PPP4R3A: variants seen among roughly 807,000 people sequenced by gnomAD.
The protein encoded by PPP4R3A is serine/threonine-protein phosphatase 4 regulatory subunit 3A.
A neutral mutation model predicts 91.7 loss-of-function variants in PPP4R3A; 15 were observed. The ratio of observed to expected loss-of-function variants is 0.16; its 90% CI spans 0.11 to 0.25. The LOEUF is 0.25. Among genes scored for constraint, PPP4R3A ranks in the 10% least tolerant of loss-of-function variants. PPP4R3A has a pLI of 1.00. For missense variants in PPP4R3A, 623 were observed against 998.4 expected (o/e 0.62, Z 5.07); for synonymous variants, 377 against 348.7 (o/e 1.08, Z -0.91).
intron 1 of PPP4R3A, among the ~76,000 whole-genome samples, chr14:91,494,533 T>C (rs1474480204): frequency 6.6e-6 from 1 of 152,156 alleles, no homozygotes; most frequent in Non-Finnish European, 1.5e-5. Flanking sequence ...TATGAGAAGA[T>C]GCTCAGCATT....
At chr14:91,492,444 G>A (rs8012651) in intron 1 of PPP4R3A, among the ~76,000 whole-genome samples, 11,689 of 152,212 alleles carry the variant, frequency 0.077, 533 homozygotes, top group Middle Eastern at 0.19. Flanking sequence ...CAGTATTAAT[G>A]ATTTAATGAC....
At chr14:91,471,873 G>A (rs778138058) in intron 9 of PPP4R3A, among the ~76,000 whole-genome samples, 4 of 151,886 alleles carry the variant, frequency 2.6e-5, no homozygotes, top group Non-Finnish European at 4.4e-5. Flanking sequence ...AGACCAGCCC[G>A]GCCAACATGG....
intron 10 of PPP4R3A, among the ~76,000 whole-genome samples, chr14:91,469,645 C>T (rs911198874): frequency 5.3e-5 from 8 of 152,152 alleles, no homozygotes; most frequent in African/African-American, 1.7e-4. Context: ...TTCAGCTCAC[C>T]GCGATATCTG....
chr14:91,494,532 A>G (rs998179855), intron 1 of PPP4R3A, among the ~76,000 whole-genome samples: 7 of 152,200 alleles, frequency 4.6e-5, no homozygotes, highest in African/African-American at 1.7e-4. Context: ...ATATGAGAAG[A>G]TGCTCAGCAT....
chr14:91,465,190 G>T, intron 11 of PPP4R3A, 60 bp downstream of exon 11: 1 of 1,282,212 alleles, frequency 7.8e-7, no homozygotes, highest in Non-Finnish European at 1.0e-6. Flanking sequence ...ACTAGGTAAT[G>T]CATATTCAAT....
chr14:91,501,433 G>A (rs1417544799), intron 1 of PPP4R3A, among the ~76,000 whole-genome samples: 3 of 152,094 alleles, frequency 2.0e-5, no homozygotes, highest in African/African-American at 7.2e-5. Context: ...TAGAGAGAAT[G>A]CACCATCAAA....
At chr14:91,477,044 T>C in intron 4 of PPP4R3A, 58 bp from the exon 5 acceptor site, 1 of 1,358,042 alleles carries the variant, frequency 7.4e-7, no homozygotes, top group Non-Finnish European at 1.0e-6. Context: ...TAAAATATAA[T>C]TTCAGGAATG....
Position 91,462,891 on chromosome 14 carries a change from T to C in PPP4R3A, c.1831-14A>G, listed in dbSNP as rs780376417. ...TTTTATATCTTCCTACAGAAAAGAA[T>C]AGTAATGAAAAAATGATAGGAAAAT... On this transcript the variant is annotated splice_polypyrimidine_tract_variant and intron_variant, in intron 11 of 14. Coordinates refer to ENST00000554943, the MANE Select transcript of PPP4R3A (RefSeq NM_001366432.2). 122 of 1,570,576 alleles carry C rather than the reference T, an allele frequency of 7.8e-5. 1 individual carries two copies. Among genetic ancestry groups the C allele is most frequent in the Middle Eastern group, 3.7e-4 (2 of 5,408 alleles).
intron 2 of PPP4R3A, among the ~76,000 whole-genome samples, chr14:91,488,915 T>TTC (rs1341031734): frequency 6.7e-6 from 1 of 149,374 alleles, no homozygotes; most frequent in Non-Finnish European, 1.5e-5. Flanking sequence ...CACTTTTTTT[T>TTC]TTTTTTTTTT....
At chr14:91,460,622 CTTAAGATTTTGTT>C (rs1220875092) in intron 14 of PPP4R3A, among the ~76,000 whole-genome samples, 2 of 139,002 alleles carry the variant, frequency 1.4e-5, no homozygotes, top group African/African-American at 5.3e-5. Flanking sequence ...TACATTTTTT[CTTAAGATTTTGTT>C]CCTTTTTTTT....
At chr14:91,478,781 A>T (rs1245686861) in intron 4 of PPP4R3A, among the ~76,000 whole-genome samples, 1 of 152,160 alleles carries the variant, frequency 6.6e-6, no homozygotes, top group Non-Finnish European at 1.5e-5. Context: ...AGAAATACAA[A>T]ATTTTCTAAA....
chr14:91,463,999 G>C (rs1888322005), intron 11 of PPP4R3A, among the ~76,000 whole-genome samples: 1 of 152,052 alleles, frequency 6.6e-6, no homozygotes, highest in African/African-American at 2.4e-5. Context: ...ACTTACAAGA[G>C]AGAACACACA....
At chr14:91,469,232 A>C (rs959688251) in intron 10 of PPP4R3A, among the ~76,000 whole-genome samples, 1 of 152,190 alleles carries the variant, frequency 6.6e-6, no homozygotes, top group Non-Finnish European at 1.5e-5. Context: ...GTTAATTGTA[A>C]GACTCATCTT....
chr14:91,509,927 G>C lies in PPP4R3A; in HGVS notation c.-280C>G, dbSNP rs1018793909. On this transcript the variant is annotated 5_prime_UTR_variant, in exon 1 of 15. Transcript: ENST00000554943. ...CCCCGAGGGGGCCGCGCAGCGCTTC[G>C]TAGCCTCCCGCCCCGCAGCGCTAGG... 90 of 1,042,294 alleles carry C rather than the reference G, an allele frequency of 8.6e-5. No individual in the cohort carries two copies. Among genetic ancestry groups the C allele is most frequent in the Non-Finnish European group, 9.8e-5 (85 of 868,160 alleles). 64.6% of individuals were successfully genotyped at this position (1,042,294 alleles called of 1,614,324 possible).
intron 1 of PPP4R3A, among the ~76,000 whole-genome samples, chr14:91,505,155 T>TA (rs957844984): frequency 3.1e-4 from 47 of 151,912 alleles, no homozygotes; most frequent in African/African-American, 1.1e-3. Context: ...GAGAACTTAT[T>TA]AAAAAAAAGA....
At chr14:91,509,414 T>C in intron 1 of PPP4R3A, 92 bp downstream of exon 1, 1 of 1,512,180 alleles carries the variant, frequency 6.6e-7, no homozygotes, top group Admixed American at 2.0e-5. Context: ...CCCTCTGTTC[T>C]CGTGGAGCGA....
chr14:91,463,429 G>A (rs767541247), intron 11 of PPP4R3A, among the ~76,000 whole-genome samples: 6 of 151,824 alleles, frequency 4.0e-5, no homozygotes, highest in South Asian at 4.2e-4. Context: ...TCTGATGTGC[G>A]GGCTGGGTAT....
At chr14:91,490,122 T>A (rs1304666230) in intron 2 of PPP4R3A, among the ~76,000 whole-genome samples, 1 of 152,264 alleles carries the variant, frequency 6.6e-6, no homozygotes, top group South Asian at 2.1e-4. Context: ...CCTGTGTGTC[T>A]GTGTGGGTGT....
chr14:91,458,641 G>T lies in PPP4R3A; in HGVS notation c.*118C>A. 2 of 1,432,470 alleles carry T rather than the reference G, an allele frequency of 1.4e-6. No individual in the cohort carries two copies. Among genetic ancestry groups the T allele is most frequent in the Non-Finnish European group, 2.0e-6 (2 of 1,016,312 alleles). The allele number at this position is 1,432,470 out of a possible 1,614,324, so 88.7% of individuals were successfully genotyped here. A position where few individuals can be genotyped will look rare whatever the true frequency, so the allele number is the denominator to read the frequency against. ...TGATGAGCAGAAGTCAAGTGTAAGA[G>T]GCTGATCTGTGTCAGTCATTCACAA... On this transcript the variant is annotated 3_prime_UTR_variant, in exon 15 of 15. Coordinates refer to ENST00000554943, the MANE Select transcript of PPP4R3A (RefSeq NM_001366432.2).
Sources: allele counts gnomAD v4.1 joint callset (sites outside exome capture counted in the v4.1 genomes callset), GRCh38; gene constraint gnomAD v4.1.1; transcripts MANE v1.5; gene names NCBI Gene and HGNC (gene_info 2026-07-23, HGNC 2026-07-21).